Variants in GP6 observed in about 807,000 individuals in gnomAD.
The protein encoded by GP6 is platelet glycoprotein VI.
A neutral mutation model predicts 37.3 loss-of-function variants in GP6; 45 were observed. That is an observed-to-expected ratio of 1.21 (90% confidence interval 0.95 to 1.55). The LOEUF is 1.55. Ranked by LOEUF, GP6 falls within the 40% of genes most tolerant of loss-of-function variation. GP6 has a pLI of 0.00. For synonymous variants in GP6, 340 were observed against 316.4 expected, an observed-to-expected ratio of 1.07 and a Z score of -0.79; for missense variants, 813 against 760.2, an observed-to-expected ratio of 1.07 and a Z score of -0.82.
chr19:55,023,631 CTG>C lies in GP6; in HGVS notation c.664+1585_664+1586del, dbSNP rs1477162509. ...CTCCCCAAAAGCAGAAGCCAGCCTT[CTG>C]CTTCCTATACGGCCTTCAGAACCAT... is the stretch of plus-strand genomic sequence containing the variant. On this transcript the variant is annotated intron_variant, in intron 5 of 7. Coordinates refer to ENST00000310373, the MANE Select transcript of GP6 (RefSeq NM_001083899.2). Among the ~76,000 whole-genome samples the C allele has an allele frequency of 2.0e-5, 3 of 152,330 alleles. No homozygotes were observed. The East Asian group carries it at 5.8e-4, about 29-fold the overall frequency.
chr19:55,015,258 T>A (rs973530843), intron 7 of GP6, 93 bp from the exon 8 acceptor site: 6 of 1,543,768 alleles, frequency 3.9e-6, no homozygotes, highest in Non-Finnish European at 5.3e-6. Context: ...ATCCTATTAT[T>A]CTCTACTAGC....
chr19:55,032,975 T>TAGACGCGGTGGGCTCGTTG (rs1568641263), intron 1 of GP6: 2 of 68,372 alleles, frequency 2.9e-5, no homozygotes, highest in Admixed American at 1.8e-4. Context: ...TCGTTCGTGT[T>TAGACGCGGTGGGCTCGTTG]GTGTTAGACA....
At position 55,014,596 on chromosome 19, in the gene GP6, G is replaced by A. The variant is rs201940503; in HGVS notation, c.1349C>T (p.Ala450Val). 7 of 1,613,920 alleles carry A rather than the reference G, an allele frequency of 4.3e-6. No individual in the cohort carries two copies. In the Admixed American group the frequency reaches 8.3e-5, roughly 19 times the overall value. The stretch of plus-strand genomic sequence containing the variant: ...TGGGAACCTTAGAGATCCGTCTGGA[G>A]CCCATATTAGAGAGGTTGAAGAAAG... The change falls in exon 8 of 8, where the codon GCT becomes GTT. Residue 450 changes from alanine to valine, a missense_variant. By Grantham distance (64) the Ala-to-Val change is moderately conservative. Coordinates refer to ENST00000310373, the MANE Select transcript of GP6 (RefSeq NM_001083899.2).
chr19:55,016,610 G>A (rs1026800335), intron 6 of GP6, among the ~76,000 whole-genome samples: 7 of 151,818 alleles, frequency 4.6e-5, no homozygotes, highest in African/African-American at 1.7e-4. Context: ...TCCTGACCTT[G>A]TGATCCGCCC....
intron 6 of GP6, among the ~76,000 whole-genome samples, chr19:55,017,024 C>A (rs1220054180): frequency 2.0e-5 from 3 of 151,848 alleles, no homozygotes; most frequent in African/African-American, 7.3e-5. Context: ...CAGAGTGAGA[C>A]TCCGTCTCAA....
chr19:55,033,673 A>G (rs569357124), intron 1 of GP6, among the ~76,000 whole-genome samples: 1 of 152,320 alleles, frequency 6.6e-6, no homozygotes, highest in South Asian at 2.1e-4. Context: ...AGTACATTAC[A>G]ATAGTATGCA....
intron 3 of GP6, among the ~76,000 whole-genome samples, chr19:55,030,157 G>T (rs1456274986): frequency 6.6e-6 from 1 of 151,222 alleles, no homozygotes; most frequent in Non-Finnish European, 1.5e-5. Context: ...GGATGCAAGC[G>T]CATCAGTGCT....
At chr19:55,019,083 C>T (rs896952559) in intron 5 of GP6, among the ~76,000 whole-genome samples, 12 of 150,604 alleles carry the variant, frequency 8.0e-5, no homozygotes, top group African/African-American at 2.2e-4. Context: ...TTTTGAAGAA[C>T]TACCAGACTT....
Position 55,014,933 on chromosome 19 carries a change from C to G in GP6, c.1012G>C (p.Val338Leu). ...TGGGGTTCAGCGGTCATGAACATAA[C>G]CCGCGGCTGTGAACATCCTGTCGGC... Residue 338 changes from valine to leucine, a missense_variant, in exon 8 of 8, where the codon GTT becomes CTT. Physicochemically the swap from Val to Leu is conservative, Grantham distance 32. Transcript: ENST00000310373. 1 of 1,613,688 alleles carries G rather than the reference C, an allele frequency of 6.2e-7. No homozygotes were observed. The highest frequency in any genetic ancestry group is 8.5e-7 in the Non-Finnish European group (1 of 1,179,998).
chr19:55,029,633 G>A (rs540164695), intron 3 of GP6, among the ~76,000 whole-genome samples: 52 of 150,666 alleles, frequency 3.5e-4, no homozygotes, highest in Admixed American at 8.0e-4. Flanking sequence ...CAGGTGATCC[G>A]TCCACCTCGG....
intron 5 of GP6, 51 bp downstream of exon 5, chr19:55,025,167 G>T: frequency 1.1e-6 from 1 of 904,650 alleles, no homozygotes; most frequent in Non-Finnish European, 1.8e-6. Context: ...AGAGAGAAGG[G>T]GTCCGTGTAC....
chr19:55,016,665 C>T (rs2073887863), intron 6 of GP6, among the ~76,000 whole-genome samples: 1 of 151,970 alleles, frequency 6.6e-6, no homozygotes, highest in South Asian at 2.1e-4. Flanking sequence ...TGAGCCACTG[C>T]ACCCGGCCTC....
intron 1 of GP6, among the ~76,000 whole-genome samples, chr19:55,035,441 C>T (rs534538542): frequency 1.2e-4 from 18 of 152,276 alleles, no homozygotes; most frequent in South Asian, 4.1e-4. Context: ...TCTCACCGGC[C>T]GGGCGCGCTG....
At chr19:55,037,758 C>T (rs753066945) in intron 1 of GP6, among the ~76,000 whole-genome samples, 6 of 149,864 alleles carry the variant, frequency 4.0e-5, no homozygotes, top group East Asian at 2.0e-4. Context: ...CAGCCTCCCA[C>T]GTAGCTGGGA....
chr19:55,016,998 C>G (rs2073900340), intron 6 of GP6, among the ~76,000 whole-genome samples: 1 of 151,974 alleles, frequency 6.6e-6, no homozygotes, highest in Admixed American at 6.6e-5. Context: ...GCCGAAATCA[C>G]AGATCACAGA....
At chr19:55,021,033 C>CA in intron 5 of GP6, among the ~76,000 whole-genome samples, 1 of 115,640 alleles carries the variant, frequency 8.6e-6, no homozygotes. Context: ...GCCTGGGTGA[C>CA]AGAGTGAGAC....
Position 55,027,812 on chromosome 19 carries a change from A to C in GP6, c.376T>G (p.Ser126Ala). The C allele has an allele frequency of 6.2e-7, 1 of 1,614,122 alleles. No homozygotes were observed. The highest frequency in any genetic ancestry group is 8.5e-7 in the Non-Finnish European group (1 of 1,180,006). The stretch of plus-strand genomic sequence containing the variant: ...CACTGTAGGGTTACGTCCCCTCCTG[A>C]CGACACCGCCGGGCCGGGCTGGGCT... Residue 126 changes from serine to alanine, a missense_variant, in exon 4 of 8, where the codon TCA becomes GCA. Coordinates refer to ENST00000310373, the MANE Select transcript of GP6 (RefSeq NM_001083899.2).
At chr19:55,032,049 C>T in intron 3 of GP6, 90 bp downstream of exon 3, 2 of 1,334,890 alleles carry the variant, frequency 1.5e-6, no homozygotes, top group East Asian at 2.4e-5. Context: ...CCTCGTTTGC[C>T]TCACCCTAAT....
intron 1 of GP6, among the ~76,000 whole-genome samples, chr19:55,036,803 G>GCC (rs2074846647): frequency 1.3e-5 from 2 of 152,308 alleles, no homozygotes; most frequent in Non-Finnish European, 2.9e-5. Flanking sequence ...CTGAAGTAAG[G>GCC]AGCTTGAGAC....
Sources: allele counts gnomAD v4.1 joint callset (sites outside exome capture counted in the v4.1 genomes callset), GRCh38; gene constraint gnomAD v4.1.1; transcripts MANE v1.5; gene names NCBI Gene and HGNC (gene_info 2026-07-23, HGNC 2026-07-21).